The following FANCA variants were observed in gnomAD, a reference collection of about 807,000 sequenced individuals.
FANCA encodes FA complementation group A.
Under a neutral mutation model 194.3 loss-of-function variants are expected in FANCA, and 236 were observed. The ratio of observed to expected loss-of-function variants is 1.21; its 90% CI spans 1.09 to 1.35. FANCA has a LOEUF of 1.35. FANCA is among the 40% of genes most tolerant of loss of function. The probability of loss-of-function intolerance (pLI) is 0.00; values close to 1 mark genes in which losing one functional copy is unlikely to be tolerated. For missense variants in FANCA, 2,628 were observed against 1,813.9 expected (o/e 1.45, Z -8.15); for synonymous variants, 1,014 against 715.8 (o/e 1.42, Z -6.65).
chr16:89,758,591 C>T lies in FANCA; in HGVS notation c.2967G>A (p.Met989Ile), dbSNP rs1178389035. Residue 989 changes from methionine to isoleucine, a missense_variant, in exon 30 of 43, where the codon ATG becomes ATA. Met to Ile is a conservative substitution (Grantham distance 10, BLOSUM62 1). Coordinates refer to ENST00000389301, the MANE Select transcript of FANCA (RefSeq NM_000135.4). The stretch of plus-strand genomic sequence containing the variant: ...GTGCTGCTAACCTTTGGTGGAAATC[C>T]ATCAGTGCGTTGACAAGAATGGTAC... ...AACTILVNAL[M>I]DFHQSSRSYD... 5 of 1,613,642 alleles carry T rather than the reference C, an allele frequency of 3.1e-6. No individual in the cohort carries two copies. Among genetic ancestry groups the T allele is most frequent in the African/African-American group, 1.3e-5 (1 of 74,890 alleles).
At chr16:89,812,019 C>T (rs1045992691) in intron 3 of FANCA, among the ~76,000 whole-genome samples, 2 of 151,176 alleles carry the variant, frequency 1.3e-5, no homozygotes, top group Non-Finnish European at 2.9e-5. Context: ...GTGTGAGCCA[C>T]CACGTGAGCC....
chr16:89,771,349 C>T (rs1199485333), intron 23 of FANCA, among the ~76,000 whole-genome samples: 1 of 151,838 alleles, frequency 6.6e-6, no homozygotes, highest in Non-Finnish European at 1.5e-5. Context: ...GTCCCAGCTA[C>T]TCGGGAGGCT....
rs766333505 is a variant in FANCA at position 89,791,908 on chromosome 16, G to A, written c.1225+19C>T. On this transcript the variant is annotated intron_variant, in intron 13 of 42. Coordinates refer to ENST00000389301, the MANE Select transcript of FANCA (RefSeq NM_000135.4). ...CACACACTCTTGACCAGCACCACCG[G>A]GCTCGCGTAAAAGCTCACCTTCAAG... 3 of 1,613,966 alleles carry A rather than the reference G, an allele frequency of 1.9e-6. No individual in the cohort carries two copies. The highest frequency in any genetic ancestry group is 2.2e-5 in the East Asian group (1 of 44,868).
intron 15 of FANCA, among the ~76,000 whole-genome samples, chr16:89,784,209 G>C (rs34953216): frequency 0.013 from 2,011 of 151,450 alleles, 35 homozygotes; most frequent in South Asian, 0.095. Flanking sequence ...CTAAAAAAAA[G>C]AAAAAAAGAA....
intron 26 of FANCA, among the ~76,000 whole-genome samples, chr16:89,768,253 A>C (rs11860203): frequency 0.41 from 61,941 of 152,010 alleles, 13,860 homozygotes; most frequent in East Asian, 0.75. Context: ...TACCTACAGC[A>C]ATACCCATGT....
intron 31 of FANCA, among the ~76,000 whole-genome samples, chr16:89,751,477 T>C (rs2038588631): frequency 3.3e-5 from 5 of 152,078 alleles, no homozygotes; most frequent in African/African-American, 7.2e-5. Flanking sequence ...GTCCCAATAA[T>C]AATAATAATT....
chr16:89,799,286 C>G (rs1383941476), intron 9 of FANCA, 54 bp from the exon 10 acceptor site: 1 of 1,605,644 alleles, frequency 6.2e-7, no homozygotes, highest in Non-Finnish European at 8.5e-7. Context: ...CGGCAGCCCA[C>G]CAGAAACAAT....
intron 7 of FANCA, 61 bp downstream of exon 7, chr16:89,805,219 A>G: frequency 1.5e-6 from 2 of 1,292,784 alleles, no homozygotes; most frequent in Non-Finnish European, 2.2e-6. Context: ...TGAGAGCAGA[A>G]GGCATTATCA....
At chr16:89,754,578 C>T (rs944298642) in intron 30 of FANCA, among the ~76,000 whole-genome samples, 2 of 152,084 alleles carry the variant, frequency 1.3e-5, no homozygotes, top group Non-Finnish European at 2.9e-5. Context: ...ACCATGTTGG[C>T]CAGGCTGGTC....
In FANCA at chr16:89,769,924, G is replaced by T; in HGVS notation, c.2417C>A (p.Pro806His). 1.2e-6 allele frequency: 2 copies of T among 1,614,102 alleles called. No homozygotes were observed. Among genetic ancestry groups the T allele is most frequent in the Non-Finnish European group, 1.7e-6 (2 of 1,179,996 alleles). Residue 806 changes from proline to histidine, a missense_variant, in exon 26 of 43, where the codon CCT (proline) becomes CAT (histidine). Pro to His is a moderately conservative substitution (Grantham distance 77, BLOSUM62 -2). Transcript: ENST00000389301. ...SALPEVDVGP[P>H]APGAGLPVPA... Reference sequence around the variant, plus strand: ...GACAGGAAGGCCAGCACCAGGTGCAGGAGGACCCACATCCACCTCTGGGAG... The same window carrying T: ...GACAGGAAGGCCAGCACCAGGTGCATGAGGACCCACATCCACCTCTGGGAG...
In FANCA at chr16:89,779,118, TGCATTATG is replaced by T; in HGVS notation, c.1716-123_1716-116del. The T allele has an allele frequency of 3.2e-6, 3 of 948,266 alleles. No individual in the cohort carries two copies. The South Asian group carries it at 4.1e-5, about 13-fold the overall frequency. 58.7% of individuals were successfully genotyped at this position (948,266 alleles called of 1,614,324 possible). ...GCGAGGGCTCACTCCAAAGCCACGA[TGCATTATG>T]AAGTCTTCTTGTGCACAGTTCCGGG... On this transcript the variant is annotated intron_variant, in intron 18 of 42. Coordinates refer to ENST00000389301, the MANE Select transcript of FANCA (RefSeq NM_000135.4).
At position 89,746,959 on chromosome 16, in the gene FANCA, C is replaced by G; in HGVS notation, c.3349-69G>C. ...GAGGCGAGACCAACATGCAGAGTGGCTGCTGTGGATTCAGTTTTGAGAAAA... is the reference window on the plus strand; with the variant it reads ...GAGGCGAGACCAACATGCAGAGTGGGTGCTGTGGATTCAGTTTTGAGAAAA... On this transcript the variant is annotated intron_variant, in intron 33 of 42. Coordinates refer to ENST00000389301, the MANE Select transcript of FANCA (RefSeq NM_000135.4). 4 of 1,384,754 alleles carry G rather than the reference C, an allele frequency of 2.9e-6. No homozygotes were observed. In the South Asian group the frequency reaches 5.0e-5, roughly 17 times the overall value. 85.8% of individuals were successfully genotyped at this position (1,384,754 alleles called of 1,614,324 possible).
At chr16:89,790,994 T>C (rs1319102006) in intron 14 of FANCA, 7 of 256,632 alleles carry the variant, frequency 2.7e-5, no homozygotes, top group Non-Finnish European at 5.3e-5. Context: ...CACACCTGCG[T>C]AGTTTTTGTT....
At chr16:89,772,809 ACT>A (rs2039368615) in intron 22 of FANCA, among the ~76,000 whole-genome samples, 2 of 134,006 alleles carry the variant, frequency 1.5e-5, no homozygotes, top group East Asian at 5.7e-4. Context: ...ACAGAGTGAG[ACT>A]CTGTCTCAAA....
At chr16:89,810,167 C>T (rs1437665938) in intron 5 of FANCA, among the ~76,000 whole-genome samples, 3 of 149,976 alleles carry the variant, frequency 2.0e-5, no homozygotes, top group Non-Finnish European at 4.4e-5. Flanking sequence ...CTAAAAAATA[C>T]AAAAAATTAG....
Position 89,809,454 on chromosome 16 carries a change from C to T in FANCA, c.523-1087G>A, listed in dbSNP as rs542149005. On this transcript the variant is annotated intron_variant, in intron 5 of 42. Transcript: ENST00000389301. The stretch of plus-strand genomic sequence containing the variant: ...GAAAGGCCGGACGCAGTGGCTCACA[C>T]CTGTAATCCCAGCACTTGGGAGGCC... Among the ~76,000 whole-genome samples, 25 of 152,228 alleles carry T rather than the reference C, an allele frequency of 1.6e-4. 1 individual carries two copies. The East Asian group carries it at 4.9e-3, about 30-fold the overall frequency.
chr16:89,762,105 C>T, intron 28 of FANCA, 83 bp from the exon 29 acceptor site: 1 of 1,074,460 alleles, frequency 9.3e-7, no homozygotes. Flanking sequence ...TTTGTCATTT[C>T]ATCTCATACG....
chr16:89,741,486 C>T (rs887866613), intron 37 of FANCA, among the ~76,000 whole-genome samples: 1 of 152,220 alleles, frequency 6.6e-6, no homozygotes, highest in Non-Finnish European at 1.5e-5. Flanking sequence ...TCGGGCTGGG[C>T]ACAGAGGGCT....
intron 23 of FANCA, 91 bp downstream of exon 23, chr16:89,771,586 CA>C (rs2039327328): frequency 1.4e-6 from 2 of 1,476,138 alleles, no homozygotes; most frequent in Admixed American, 3.4e-5. Context: ...GCAAGTCAAA[CA>C]GAAATTGAGA....
Sources: allele counts gnomAD v4.1 joint callset (sites outside exome capture counted in the v4.1 genomes callset), GRCh38; gene constraint gnomAD v4.1.1; transcripts MANE v1.5; gene names NCBI Gene and HGNC (gene_info 2026-07-23, HGNC 2026-07-21).